Variants in ZNF777 observed in about 807,000 individuals in gnomAD.
ZNF777 encodes zinc finger protein 777.
In ZNF777, 7 loss-of-function variants were observed where a neutral mutation model predicts 72.1. The observed-to-expected ratio is 0.10, with a 90% CI of 0.06 to 0.18. The LOEUF is 0.18. ZNF777 is among the 10% of genes least tolerant of loss of function. The pLI, the probability that ZNF777 is intolerant of heterozygous loss-of-function variation, is 1.00. For missense variants in ZNF777, 828 were observed against 1,128.6 expected, an observed-to-expected ratio of 0.73 and a Z score of 3.82; for synonymous variants, 545 against 483.5, an observed-to-expected ratio of 1.13 and a Z score of -1.67.
chr7:149,442,844 T>C (rs1799547520), intron 4 of ZNF777, among the ~76,000 whole-genome samples: 1 of 152,148 alleles, frequency 6.6e-6, no homozygotes, highest in Non-Finnish European at 1.5e-5. Context: ...GAAAGTCAAA[T>C]AAAAACATCC....
rs377598812 is a variant in ZNF777, at chr7:149,436,866, C to G, written c.1088-40G>C. On this transcript the variant is annotated intron_variant, in intron 4 of 5. Transcript: ENST00000247930. The surrounding 1 kb of genome is among the most constrained non-coding windows in gnomAD (Gnocchi z 5.0). ...GCAGGGGTGAGGAGGAGAAAAGAACCCAGAATGTTCATGCCAACTGCCCAG... is the reference window on the plus strand; with the variant it reads ...GCAGGGGTGAGGAGGAGAAAAGAACGCAGAATGTTCATGCCAACTGCCCAG... 1 of 1,584,052 alleles carries G rather than the reference C, an allele frequency of 6.3e-7. No homozygotes were observed. Among genetic ancestry groups the G allele is most frequent in the Non-Finnish European group, 8.6e-7 (1 of 1,158,744 alleles).
rs145215912 is a variant in ZNF777, at chr7:149,451,015, C to T, written c.1071G>A (p.Pro357=). Residue 357 remains proline (P), a synonymous_variant, in exon 4 of 6, where the codon CCG becomes CCA. Coordinates refer to ENST00000247930, the MANE Select transcript of ZNF777 (RefSeq NM_015694.3). ...GCCACTCACCAGCACTGGGATCTGTCGGCGTTTCGCCCTCCTCAGAGTCTT... is the reference window on the plus strand; with the variant it reads ...GCCACTCACCAGCACTGGGATCTGTTGGCGTTTCGCCCTCCTCAGAGTCTT... ...EQEDSEEGET[P]TDPSAAHDGI... is the part of the protein sequence containing the mutation. 500 of 1,613,770 alleles carry T rather than the reference C, an allele frequency of 3.1e-4. 3 individuals are homozygous for T. In the East Asian group the frequency reaches 3.7e-3, roughly 12 times the overall value.
In ZNF777 at chr7:149,455,014, T is replaced by G. The variant is rs1171819352; in HGVS notation, c.846+163A>C. ...GGCATTTCTGTACTAGCCTATACTC[T>G]CATCAACAGGAGAAATAATTTGATT... On this transcript the variant is annotated intron_variant, in intron 2 of 5. Coordinates refer to ENST00000247930, the MANE Select transcript of ZNF777 (RefSeq NM_015694.3). This position sits in a 1 kb window ranked among gnomAD's most constrained non-coding sequence, Gnocchi z 4.2. 6.6e-6 allele frequency among the ~76,000 whole-genome samples: 1 copy of G among 152,234 alleles called. No individual in the cohort carries two copies. The highest frequency in any genetic ancestry group is 1.5e-5 in the Non-Finnish European group (1 of 68,042).
At chr7:149,458,916 C>G (rs535495073) in intron 1 of ZNF777, among the ~76,000 whole-genome samples, 6 of 152,220 alleles carry the variant, frequency 3.9e-5, no homozygotes, top group African/African-American at 1.4e-4. Context: ...ACGGTCCCTC[C>G]TTCCCCGACG....
chr7:149,431,809 G>C lies in ZNF777; in HGVS notation c.2463C>G (p.Leu821=), dbSNP rs371526011. ...CCGTGTGGGTCCGCAGGTGGTACTT[G>C]AGCGACTGCTTGTAGCGGAAGCACT... ...CAKCFRYKQS[L]KYHLRTHTGE Residue 821 remains leucine (L), a synonymous_variant, in exon 6 of 6, where the codon CTC becomes CTG. Coordinates refer to ENST00000247930, the MANE Select transcript of ZNF777 (RefSeq NM_015694.3). The C allele has an allele frequency of 1.6e-5, 26 of 1,600,768 alleles. 1 individual carries two copies. The South Asian group carries it at 2.3e-4, about 14-fold the overall frequency.
chr7:149,452,271 A>G (rs1799734759), intron 3 of ZNF777, among the ~76,000 whole-genome samples: 1 of 87,738 alleles, frequency 1.1e-5, no homozygotes, highest in African/African-American at 5.9e-5. Flanking sequence ...TCTCAAAAAC[A>G]AACAAACAAA....
chr7:149,437,801 T>G (rs922903707), intron 4 of ZNF777, among the ~76,000 whole-genome samples: 1 of 133,518 alleles, frequency 7.5e-6, no homozygotes, highest in African/African-American at 3.2e-5. Context: ...GTTTGTTTCT[T>G]TTTCTTTTTT....
Position 149,460,100 on chromosome 7 carries a change from G to A in ZNF777, c.-16+715C>T, listed in dbSNP as rs935100638. 1.0e-6 allele frequency: 1 copy of A among 980,836 alleles called. No homozygotes were observed. The highest frequency in any genetic ancestry group is 1.2e-6 in the Non-Finnish European group (1 of 828,130). The allele number at this position is 980,836 out of a possible 1,614,324, so 60.8% of individuals were successfully genotyped here. A position where few individuals can be genotyped will look rare whatever the true frequency, so the allele number is the denominator to read the frequency against. ...CCCGGGGCCCCGAGGCCGCGCGTCC[G>A]TGCGCGCGCGGGCCGCCCTCACAGG... On this transcript the variant is annotated intron_variant, in intron 1 of 5. Transcript: ENST00000247930. The surrounding 1 kb of genome is among the most constrained non-coding windows in gnomAD (Gnocchi z 6.1).
At chr7:149,456,512 T>C (rs1295836040) in intron 1 of ZNF777, among the ~76,000 whole-genome samples, 1 of 152,132 alleles carries the variant, frequency 6.6e-6, no homozygotes, top group Admixed American at 6.6e-5. Flanking sequence ...AACATAAAAC[T>C]TTGAGAAACA....
chr7:149,448,591 A>C (rs1308990307), intron 4 of ZNF777, among the ~76,000 whole-genome samples: 1 of 96,786 alleles, frequency 1.0e-5, no homozygotes, highest in Admixed American at 9.9e-5. Context: ...ATATATATAT[A>C]TATATATATA....
intron 5 of ZNF777, among the ~76,000 whole-genome samples, chr7:149,433,336 T>G (rs1799357520): frequency 6.6e-6 from 1 of 152,214 alleles, no homozygotes; most frequent in African/African-American, 2.4e-5. Flanking sequence ...TGCCTGATGC[T>G]GGAATACTCA....
At chr7:149,448,627 A>G (rs1420757211) in intron 4 of ZNF777, among the ~76,000 whole-genome samples, 1 of 145,424 alleles carries the variant, frequency 6.9e-6, no homozygotes, top group East Asian at 2.0e-4. Flanking sequence ...GAATACATAT[A>G]TATTTTAAGA....
chr7:149,432,706 A>C lies in ZNF777; in HGVS notation c.1566T>G (p.Gly522=), dbSNP rs775230089. 3.7e-6 allele frequency: 6 copies of C among 1,612,432 alleles called. No homozygotes were observed. Among genetic ancestry groups the C allele is most frequent in the Non-Finnish European group, 5.1e-6 (6 of 1,179,414 alleles). The change falls in exon 6 of 6, where the codon GGT becomes GGG. Residue 522 remains glycine, a synonymous_variant. Transcript: ENST00000247930. ...AVKRLAPSVH[G]ERHLSENRGA... is the part of the protein sequence containing the mutation. ...CGCGGTTCTCGCTCAGGTGCCGCTC[A>C]CCGTGCACGGAGGGCGCCAGCCTTT...
chr7:149,432,483 G>T lies in ZNF777; in HGVS notation c.1789C>A (p.Arg597Ser). ...GGTGAGACGCAGCCTCCGCGCACGC[G>T]GTGGATGCGCTGGTGCAGCGTGAGC... ...QQLTLHQRIH[R>S]VRGGCVSPER... The change falls in exon 6 of 6, where the codon CGC becomes AGC. Residue 597 changes from arginine to serine, a missense_variant. Arg to Ser is a moderately radical substitution (Grantham distance 110, BLOSUM62 -1). This residue lies in a region of ZNF777 where 100 missense variants were observed against 106.2 expected (regional missense o/e 0.94). Coordinates refer to ENST00000247930, the MANE Select transcript of ZNF777 (RefSeq NM_015694.3). 1.2e-6 allele frequency: 2 copies of T among 1,613,728 alleles called. No homozygotes were observed. Among genetic ancestry groups the T allele is most frequent in the Non-Finnish European group, 1.7e-6 (2 of 1,179,866 alleles).
At chr7:149,437,789 ATGTT>A (rs1426662169) in intron 4 of ZNF777, among the ~76,000 whole-genome samples, 3 of 99,520 alleles carry the variant, frequency 3.0e-5, no homozygotes, top group East Asian at 3.4e-4. Flanking sequence ...ACACATTTAT[ATGTT>A]TGTTTCTTTT....
In ZNF777 at chr7:149,455,919, G is replaced by A. The variant is rs746950680; in HGVS notation, c.104C>T (p.Ser35Phe). 3.1e-6 allele frequency: 5 copies of A among 1,613,868 alleles called. No homozygotes were observed. Among genetic ancestry groups the A allele is most frequent in the Non-Finnish European group, 1.7e-6 (2 of 1,179,992 alleles). The change falls in exon 2 of 6, where the codon TCC becomes TTC. Residue 35 changes from serine to phenylalanine, a missense_variant. Coordinates refer to ENST00000247930, the MANE Select transcript of ZNF777 (RefSeq NM_015694.3). This position sits in a 1 kb window ranked among gnomAD's most constrained non-coding sequence, Gnocchi z 4.2. ...AATTTCTTTGGGAGGAAGAACGCGG[G>A]ATTGGAACAGAGTTTCTCGGGGGAG... ...AGLPRETLFQ[S>F]RVLPPKEIPS...
chr7:149,451,204 C>A, intron 3 of ZNF777, 92 bp from the exon 4 acceptor site: 1 of 1,144,200 alleles, frequency 8.7e-7, no homozygotes, highest in South Asian at 1.3e-5. Flanking sequence ...ATTCCAGGAG[C>A]AGCTCCTCGA....
At position 149,455,139 on chromosome 7, in the gene ZNF777, A is replaced by G; in HGVS notation, c.846+38T>C. 1 of 1,578,444 alleles carries G rather than the reference A, an allele frequency of 6.3e-7. No individual in the cohort carries two copies. Among genetic ancestry groups the G allele is most frequent in the Non-Finnish European group, 8.6e-7 (1 of 1,165,250 alleles). On this transcript the variant is annotated intron_variant, in intron 2 of 5. Transcript: ENST00000247930. The surrounding 1 kb of genome is among the most constrained non-coding windows in gnomAD (Gnocchi z 4.2). ...ATTCCTAAACCACACTCCAATTCAG[A>G]TCACTTCCTTGGGAAGCCCCAGTTG...
intron 1 of ZNF777, among the ~76,000 whole-genome samples, chr7:149,456,416 CTCTGT>C (rs767617856): frequency 2.0e-5 from 3 of 152,302 alleles, no homozygotes; most frequent in African/African-American, 4.8e-5. Flanking sequence ...CGTTTGACCT[CTCTGT>C]TCTTAGTGTC....
Sources: gnomAD v4.1 joint callset for allele counts (sites outside exome capture counted in the v4.1 genomes callset) on GRCh38, gnomAD v4.1.1 for gene constraint, gnomAD v4.1.1 regional missense constraint, Gnocchi (gnomAD v3.1) non-coding constraint, MANE v1.5 for transcripts, NCBI Gene and HGNC (gene_info 2026-07-23, HGNC 2026-07-21) for gene names.